The following GNA14 variants were observed in gnomAD, a reference collection of about 807,000 sequenced individuals.
GNA14 encodes the protein guanine nucleotide-binding protein subunit alpha-14.
A neutral mutation model predicts 42.0 loss-of-function variants in GNA14; 50 were observed. That is an observed-to-expected ratio of 1.19 (90% CI 0.95 to 1.51). The LOEUF (loss-of-function observed/expected upper bound fraction) is 1.51. Ranked by LOEUF, GNA14 falls within the 40% of genes most tolerant of loss-of-function variation. The probability of loss-of-function intolerance (pLI) is 0.00; values close to 1 mark genes in which losing one functional copy is unlikely to be tolerated. For synonymous variants in GNA14, 173 were observed against 163.1 expected (o/e 1.06, Z -0.46); for missense variants, 473 against 446.2 (o/e 1.06, Z -0.54).
chr9:77,564,180 C>T (rs1218365627), intron 1 of GNA14, among the ~76,000 whole-genome samples: 1 of 151,948 alleles, frequency 6.6e-6, no homozygotes, highest in Non-Finnish European at 1.5e-5. Context: ...CTATTCCTTT[C>T]TCCACATGTG....
intron 1 of GNA14, among the ~76,000 whole-genome samples, chr9:77,558,935 AAAAAAC>A (rs1468106871): frequency 4.6e-5 from 7 of 151,748 alleles, no homozygotes; most frequent in East Asian, 1.9e-4. Context: ...AAAACAAAAA[AAAAAAC>A]AAAAAACAAA....
rs574208695 is a variant in GNA14 at position 77,497,337 on chromosome 9, G to C, written c.309+31732C>G. Among the ~76,000 whole-genome samples, 3 of 152,280 alleles carry C rather than the reference G, an allele frequency of 2.0e-5. No homozygotes were observed. The South Asian group carries it at 6.2e-4, about 32-fold the overall frequency. On this transcript the variant is annotated intron_variant, in intron 2 of 6. Transcript: ENST00000341700. ...ACTCCAGACATTGCATCTCTGGGGA[G>C]ATGGTGACCACACTAGACCAACAGT...
At chr9:77,497,992 G>T (rs1393276836) in intron 2 of GNA14, among the ~76,000 whole-genome samples, 1 of 152,260 alleles carries the variant, frequency 6.6e-6, no homozygotes, top group South Asian at 2.1e-4. Flanking sequence ...GCTATCTAGG[G>T]TCAAATCCAG....
At chr9:77,428,103 G>T (rs535748612) in intron 5 of GNA14, among the ~76,000 whole-genome samples, 2 of 141,152 alleles carry the variant, frequency 1.4e-5, no homozygotes, top group Admixed American at 1.4e-4. Flanking sequence ...TTTTGAGATG[G>T]AGTCTCGCTC....
chr9:77,625,202 A>G (rs2117987436), intron 1 of GNA14, among the ~76,000 whole-genome samples: 1 of 152,170 alleles, frequency 6.6e-6, no homozygotes, highest in African/African-American at 2.4e-5. Context: ...AGACAAAAAA[A>G]GAATGAAAAG....
At chr9:77,435,107 C>T (rs1587758621) in intron 2 of GNA14, among the ~76,000 whole-genome samples, 1 of 150,794 alleles carries the variant, frequency 6.6e-6, no homozygotes, top group African/African-American at 2.4e-5. Context: ...GCCTGTAATC[C>T]CAGCACTTTG....
At chr9:77,603,842 G>T (rs1457728304) in intron 1 of GNA14, among the ~76,000 whole-genome samples, 4 of 150,940 alleles carry the variant, frequency 2.7e-5, no homozygotes, top group Non-Finnish European at 2.9e-5. Context: ...GTGGCGGGAG[G>T]CTGAGGCGGG....
At chr9:77,443,879 G>C (rs1410650484) in intron 2 of GNA14, among the ~76,000 whole-genome samples, 1 of 152,188 alleles carries the variant, frequency 6.6e-6, no homozygotes, top group Non-Finnish European at 1.5e-5. Flanking sequence ...CTACTCTGGA[G>C]GCTGTGGCGG....
chr9:77,485,179 C>T (rs769838926), intron 2 of GNA14, among the ~76,000 whole-genome samples: 2 of 152,170 alleles, frequency 1.3e-5, no homozygotes, highest in Non-Finnish European at 2.9e-5. Flanking sequence ...ACTATTTTAT[C>T]AACTAAACTT....
chr9:77,552,682 G>A (rs1837799777), intron 1 of GNA14, among the ~76,000 whole-genome samples: 1 of 152,158 alleles, frequency 6.6e-6, no homozygotes, highest in African/African-American at 2.4e-5. Flanking sequence ...TCTTCCAGAA[G>A]GACCTACCGT....
chr9:77,514,082 T>C (rs554060346), intron 2 of GNA14, among the ~76,000 whole-genome samples: 1 of 152,282 alleles, frequency 6.6e-6, no homozygotes, highest in South Asian at 2.1e-4. Context: ...TCCCAAGAGC[T>C]AAGCATGGCC....
At chr9:77,467,599 T>G (rs186249349) in intron 2 of GNA14, among the ~76,000 whole-genome samples, 202 of 151,034 alleles carry the variant, frequency 1.3e-3, no homozygotes, top group Middle Eastern at 3.5e-3. Flanking sequence ...AAGAAATGCT[T>G]CATGCTGCTT....
chr9:77,519,509 C>T (rs1200855873), intron 2 of GNA14, among the ~76,000 whole-genome samples: 2 of 152,286 alleles, frequency 1.3e-5, no homozygotes, highest in East Asian at 1.9e-4. Flanking sequence ...AAACACATGT[C>T]CCCTTCCCTA....
rs115268782 is a variant in GNA14, at chr9:77,646,550, T to G, written c.124+1120A>C. Among the ~76,000 whole-genome samples the G allele has an allele frequency of 4.4e-3, 676 of 152,260 alleles. 3 individuals carry two copies. The highest frequency in any genetic ancestry group is 0.015 in the African/African-American group (623 of 41,550). On this transcript the variant is annotated intron_variant, in intron 1 of 6. Transcript: ENST00000341700. Reference sequence around the variant, plus strand: ...ATACTGGCTGAGAGCCTTCTCTATATTACACTAACTAGATCAACTTTTTCT... The same window carrying G: ...ATACTGGCTGAGAGCCTTCTCTATAGTACACTAACTAGATCAACTTTTTCT...
At chr9:77,455,477 G>A (rs1835982627) in intron 2 of GNA14, among the ~76,000 whole-genome samples, 1 of 152,176 alleles carries the variant, frequency 6.6e-6, no homozygotes. Context: ...CACACCCAAA[G>A]GGGAAGAGAT....
At chr9:77,629,447 A>G (rs1195534574) in intron 1 of GNA14, among the ~76,000 whole-genome samples, 2 of 152,198 alleles carry the variant, frequency 1.3e-5, no homozygotes, top group East Asian at 3.8e-4. Flanking sequence ...TATTGCAGCA[A>G]CTATTCACAA....
intron 1 of GNA14, among the ~76,000 whole-genome samples, chr9:77,641,097 GGGGGA>G (rs1564073556): frequency 0.038 from 862 of 22,476 alleles, 196 homozygotes; most frequent in African/African-American, 0.22. Context: ...GAGGGGAGGG[GGGGGA>G]AGGAAGGAAG....
chr9:77,569,991 T>G (rs986160052), intron 1 of GNA14, among the ~76,000 whole-genome samples: 11 of 152,042 alleles, frequency 7.2e-5, no homozygotes, highest in African/African-American at 2.4e-4. Context: ...GATCTCGAAC[T>G]CTTGACCTCG....
chr9:77,447,863 G>C (rs1835848571), intron 2 of GNA14, among the ~76,000 whole-genome samples: 1 of 152,214 alleles, frequency 6.6e-6, no homozygotes, highest in South Asian at 2.1e-4. Flanking sequence ...CTCCCGCTAA[G>C]TGCAAGGGAG....
Sources: gnomAD v4.1 joint callset for allele counts (sites outside exome capture counted in the v4.1 genomes callset) on GRCh38, gnomAD v4.1.1 for gene constraint, MANE v1.5 for transcripts, NCBI Gene and HGNC (gene_info 2026-07-23, HGNC 2026-07-21) for gene names.